CFAP69: variants seen among roughly 807,000 people sequenced by gnomAD.
CFAP69 encodes the protein cilia and flagella associated protein 69.
In CFAP69, 92 loss-of-function variants were observed where a neutral mutation model predicts 123.0. The ratio of observed to expected loss-of-function variants is 0.75; its 90% CI spans 0.63 to 0.89. CFAP69 has a LOEUF of 0.89. Among genes scored for constraint, CFAP69 ranks in the 40% least tolerant of loss-of-function variants. The pLI, the probability that CFAP69 is intolerant of heterozygous loss-of-function variation, is 0.00. For synonymous variants in CFAP69, 380 were observed against 364.3 expected (o/e 1.04, Z -0.49); for missense variants, 1,067 against 1,096.9 (o/e 0.97, Z 0.39).
rs536828196 is a variant in CFAP69, at chr7:90,248,542, T to A, written c.120+2998T>A. On this transcript the variant is annotated intron_variant, in intron 1 of 22. Coordinates refer to ENST00000389297, the MANE Select transcript of CFAP69 (RefSeq NM_001039706.3). ...ACTTTGAAATGTTCTCTGATAGAAT[T>A]ATGGAAAATGTAAATATAGATTATG... Among the ~76,000 whole-genome samples the A allele has an allele frequency of 3.9e-5, 6 of 152,338 alleles. No homozygotes were observed. The South Asian group carries it at 1.2e-3, about 32-fold the overall frequency.
At chr7:90,313,220 C>T (rs17866225), downstream of CFAP69, among the ~76,000 whole-genome samples, 3,181 of 152,242 alleles carry the variant, frequency 0.021, 103 homozygotes, top group East Asian at 0.11. Context: ...TGTTAATACT[C>T]CTCTAAACTG....
At position 90,271,552 on chromosome 7, in the gene CFAP69, A is replaced by G. The variant is rs781091764; in HGVS notation, c.559A>G (p.Lys187Glu). ...PGYQQASSSY[K>E]IQMAEVGGLA... ...TTACCAGCAAGCGAGTTCATCATAC[A>G]AGATTCAAATGGCTGAAGTTGGAGG... The change falls in exon 7 of 23, where the codon AAG (lysine) becomes GAG (glutamate). Residue 187 changes from lysine to glutamate, a missense_variant. Coordinates refer to ENST00000389297, the MANE Select transcript of CFAP69 (RefSeq NM_001039706.3). 1 of 1,612,384 alleles carries G rather than the reference A, an allele frequency of 6.2e-7. No homozygotes were observed. The highest frequency in any genetic ancestry group is 8.5e-7 in the Non-Finnish European group (1 of 1,179,530).
intron 5 of CFAP69, 71 bp downstream of exon 5, chr7:90,265,448 T>A: frequency 4.0e-6 from 4 of 1,001,144 alleles, no homozygotes; most frequent in Non-Finnish European, 6.1e-6. Flanking sequence ...GAATATCTAT[T>A]TTCCCCAAGT....
the CFAP69 span, chr7:90,319,554 C>G: frequency 2.5e-6 from 1 of 398,612 alleles, no homozygotes; most frequent in South Asian, 1.3e-4. Flanking sequence ...CCACATTGTG[C>G]TCTATCTTGA....
At chr7:90,256,212 G>A (rs1797628858) in intron 2 of CFAP69, among the ~76,000 whole-genome samples, 1 of 152,170 alleles carries the variant, frequency 6.6e-6, no homozygotes, top group South Asian at 2.1e-4. Context: ...AAAAGGATGA[G>A]TTCCTGTCCT....
chr7:90,277,150 A>G (rs1562878255), intron 10 of CFAP69, 29 bp downstream of exon 10: 2 of 1,573,780 alleles, frequency 1.3e-6, no homozygotes, highest in Non-Finnish European at 1.7e-6. Context: ...TAAACTTCTT[A>G]TAATTATCTT....
At chr7:90,275,706 A>G (rs2116975358) in intron 9 of CFAP69, among the ~76,000 whole-genome samples, 1 of 133,748 alleles carries the variant, frequency 7.5e-6, no homozygotes, top group South Asian at 2.5e-4. Flanking sequence ...GGTTTGCGCC[A>G]TTCTCCTGCC....
In CFAP69 at chr7:90,273,906, AT is replaced by A. The variant is rs1263039685; in HGVS notation, c.861-78del. On this transcript the variant is annotated intron_variant, in intron 8 of 22. Coordinates refer to ENST00000389297, the MANE Select transcript of CFAP69 (RefSeq NM_001039706.3). ...TAAAACCATCACATTGGGGGTTAGG[AT>A]TTAAATATATGAATTTTGGAGGGAC... 83 of 1,105,138 alleles carry A rather than the reference AT, an allele frequency of 7.5e-5. 1 individual carries two copies. In the East Asian group the frequency reaches 2.2e-3, roughly 30 times the overall value. 68.5% of individuals were successfully genotyped at this position (1,105,138 alleles called of 1,614,324 possible).
downstream of CFAP69, among the ~76,000 whole-genome samples, chr7:90,311,498 A>G (rs1293674106): frequency 6.6e-6 from 1 of 152,182 alleles, no homozygotes; most frequent in Non-Finnish European, 1.5e-5. Context: ...TACCAACATG[A>G]TGCCATTGAA....
chr7:90,273,918 G>C, intron 8 of CFAP69, 69 bp from the exon 9 acceptor site: 1 of 1,221,004 alleles, frequency 8.2e-7, no homozygotes, highest in Non-Finnish European at 1.1e-6. Context: ...TTAAATATAT[G>C]AATTTTGGAG....
rs777667568 is a variant in CFAP69, at chr7:90,245,353, T to A, written c.-72T>A. Reference sequence around the variant, plus strand: ...TTCCCTTCTCGGTGGCGGGGCCTCTTTGGGCCCAGCGGCTGCGGGCGCACT... The same window carrying A: ...TTCCCTTCTCGGTGGCGGGGCCTCTATGGGCCCAGCGGCTGCGGGCGCACT... On this transcript the variant is annotated 5_prime_UTR_variant, in exon 1 of 23. In the 5' UTR this introduces an upstream ATG that the reference lacks. Coordinates refer to ENST00000389297, the MANE Select transcript of CFAP69 (RefSeq NM_001039706.3). The A allele has an allele frequency of 2.6e-5, 37 of 1,439,980 alleles. No homozygotes were observed. Among genetic ancestry groups the A allele is most frequent in the Non-Finnish European group, 3.4e-5 (37 of 1,096,190 alleles). The allele number at this position is 1,439,980 out of a possible 1,614,324, so 89.2% of individuals were successfully genotyped here. A position where few individuals can be genotyped will look rare whatever the true frequency, so the allele number is the denominator to read the frequency against.
chr7:90,316,045 GATCACGCCATTGCACTCC>G (rs1319457263), downstream of CFAP69, among the ~76,000 whole-genome samples: 1 of 152,158 alleles, frequency 6.6e-6, no homozygotes, highest in Non-Finnish European at 1.5e-5. Context: ...AGTGAGCCAA[GATCACGCCATTGCACTCC>G]AGCCTGAGCA....
intron 12 of CFAP69, among the ~76,000 whole-genome samples, chr7:90,280,108 A>G (rs1789245870): frequency 6.6e-6 from 1 of 152,248 alleles, no homozygotes; most frequent in Non-Finnish European, 1.5e-5. Flanking sequence ...CACACCCGAA[A>G]GAAATCATAC....
intron 12 of CFAP69, among the ~76,000 whole-genome samples, chr7:90,281,382 A>G (rs1487116581): frequency 6.6e-6 from 1 of 151,910 alleles, no homozygotes; most frequent in Non-Finnish European, 1.5e-5. Flanking sequence ...AGAAGGGAGG[A>G]TTTGCCTTGC....
intron 18 of CFAP69, chr7:90,304,450 A>G (rs2117399739): frequency 8.3e-7 from 1 of 1,211,300 alleles, no homozygotes; most frequent in Non-Finnish European, 1.0e-6. Flanking sequence ...GAAAAAGTTT[A>G]TCAAACACTC....
chr7:90,264,879 C>T (rs1447557668), intron 4 of CFAP69, among the ~76,000 whole-genome samples: 2 of 152,002 alleles, frequency 1.3e-5, no homozygotes, highest in Admixed American at 6.6e-5. Context: ...CTGCAACCTC[C>T]GCCTCCAGGA....
At chr7:90,281,966 A>G (rs1009028091) in intron 12 of CFAP69, among the ~76,000 whole-genome samples, 7 of 152,170 alleles carry the variant, frequency 4.6e-5, no homozygotes, top group Non-Finnish European at 7.4e-5. Context: ...GAAAACCCCA[A>G]ATTTTCAAAA....
At chr7:90,279,521 T>G (rs926604986) in intron 11 of CFAP69, among the ~76,000 whole-genome samples, 156 bp from the exon 12 acceptor site, 6 of 151,300 alleles carry the variant, frequency 4.0e-5, no homozygotes, top group South Asian at 4.2e-4. Context: ...TTTTTGGTGT[T>G]TTTTTTTTGG....
At chr7:90,305,586 C>G (rs1793464409) in intron 19 of CFAP69, among the ~76,000 whole-genome samples, 1 of 151,522 alleles carries the variant, frequency 6.6e-6, no homozygotes, top group Non-Finnish European at 1.5e-5. Flanking sequence ...TTTTTGTATT[C>G]TCATGCCTGC....
Sources: gnomAD v4.1 joint callset for allele counts (sites outside exome capture counted in the v4.1 genomes callset) on GRCh38, gnomAD v4.1.1 for gene constraint, MANE v1.5 for transcripts, NCBI Gene and HGNC (gene_info 2026-07-23, HGNC 2026-07-21) for gene names.